The following TIAM1 variants were observed in gnomAD, a reference collection of about 807,000 sequenced individuals.
TIAM1 encodes the protein TIAM Rac1 associated GEF 1, also known as rho guanine nucleotide exchange factor TIAM1.
A neutral mutation model predicts 163.5 loss-of-function variants in TIAM1; 65 were observed. The observed-to-expected ratio is 0.40, with a 90% confidence interval of 0.33 to 0.49. The LOEUF is 0.49. Ranked by LOEUF, TIAM1 falls within the 20% of genes least tolerant of loss-of-function variation. TIAM1 has a pLI of 0.77. For synonymous variants in TIAM1, 833 were observed against 810.1 expected (o/e 1.03, Z -0.48); for missense variants, 1,789 against 2,044.7 (o/e 0.87, Z 2.41).
At chr21:31,447,269 G>A (rs2044660911) in intron 2 of TIAM1, among the ~76,000 whole-genome samples, 1 of 151,920 alleles carries the variant, frequency 6.6e-6, no homozygotes, top group African/African-American at 2.4e-5. Context: ...TAGCAACTGG[G>A]AAAAAAATTT....
chr21:31,171,546 AT>A (rs1236704524), intron 15 of TIAM1, among the ~76,000 whole-genome samples: 6 of 152,126 alleles, frequency 3.9e-5, no homozygotes, highest in Admixed American at 1.3e-4. Flanking sequence ...TAAAGCATAT[AT>A]TTTTTTATCC....
At chr21:31,435,114 G>A (rs2044168396) in intron 2 of TIAM1, among the ~76,000 whole-genome samples, 1 of 152,046 alleles carries the variant, frequency 6.6e-6, no homozygotes, top group Non-Finnish European at 1.5e-5. Context: ...GAACTTCGGG[G>A]CCACTGGCCA....
At chr21:31,319,295 T>C (rs1349425946) in intron 2 of TIAM1, among the ~76,000 whole-genome samples, 1 of 152,166 alleles carries the variant, frequency 6.6e-6, no homozygotes, top group Non-Finnish European at 1.5e-5. Flanking sequence ...GTCCCCGTTT[T>C]CAATTCTTTT....
intron 2 of TIAM1, among the ~76,000 whole-genome samples, chr21:31,322,899 G>A (rs1467277292): frequency 2.0e-5 from 3 of 152,172 alleles, no homozygotes; most frequent in Non-Finnish European, 2.9e-5. Context: ...CAGAACTCCC[G>A]CAGGTGAGAC....
At chr21:31,418,057 T>C (rs2043434830) in intron 2 of TIAM1, among the ~76,000 whole-genome samples, 1 of 152,038 alleles carries the variant, frequency 6.6e-6, no homozygotes, top group African/African-American at 2.4e-5. Context: ...ATCTGACTTT[T>C]AAAAAGGTGC....
In TIAM1 at chr21:31,451,163, G is replaced by A. The variant is rs2044823173; in HGVS notation, c.-369+12820C>T. Among the ~76,000 whole-genome samples, 3 of 151,950 alleles carry A rather than the reference G, an allele frequency of 2.0e-5. No homozygotes were observed. In the South Asian group the frequency reaches 6.2e-4, roughly 32 times the overall value. The stretch of plus-strand genomic sequence containing the variant: ...TGCGTCATCCCGTGGAGCAATATGC[G>A]GCTCCGAGGCCAGCATAAATCAGGC... On this transcript the variant is annotated intron_variant, in intron 2 of 28. Transcript: ENST00000286827.
intron 1 of TIAM1, among the ~76,000 whole-genome samples, chr21:31,340,047 C>G (rs919559334): frequency 2.0e-5 from 3 of 152,130 alleles, no homozygotes; most frequent in Admixed American, 6.6e-5. Context: ...ACACTTGAAG[C>G]TGATTCACTA....
intron 2 of TIAM1, among the ~76,000 whole-genome samples, chr21:31,416,860 A>C (rs1013383580): frequency 4.6e-5 from 7 of 152,244 alleles, no homozygotes; most frequent in Non-Finnish European, 1.0e-4. Context: ...AAAGTGAATC[A>C]AATTAACATC....
chr21:31,248,278 C>T (rs932562193), intron 5 of TIAM1, among the ~76,000 whole-genome samples: 4 of 152,182 alleles, frequency 2.6e-5, no homozygotes, highest in African/African-American at 7.2e-5. Context: ...TCCTAACACA[C>T]GCACCTAGTG....
At position 31,194,268 on chromosome 21, in the gene TIAM1, TA is replaced by T. The variant is rs552591259; in HGVS notation, c.2575+955del. Among the ~76,000 whole-genome samples the T allele has an allele frequency of 4.2e-3, 635 of 152,186 alleles. 3 individuals carry two copies. Among genetic ancestry groups the T allele is most frequent in the Middle Eastern group, 0.024 (7 of 294 alleles). On this transcript the variant is annotated intron_variant, in intron 13 of 27. Coordinates refer to ENST00000541036, the MANE Select transcript of TIAM1 (RefSeq NM_001353694.2). Reference sequence around the variant, plus strand: ...AAGCCGCTTCAGTATAATTTGCTATTAAAAAAATCATAGTTGTGAGTATGAC... The same window carrying T: ...AAGCCGCTTCAGTATAATTTGCTATTAAAAAATCATAGTTGTGAGTATGAC...
intron 15 of TIAM1, among the ~76,000 whole-genome samples, chr21:31,181,823 C>T (rs537017473): frequency 1.2e-3 from 134 of 110,096 alleles, no homozygotes; most frequent in African/African-American, 4.5e-3. Flanking sequence ...AGGCCTCTGT[C>T]TCCCAGGCTG....
intron 2 of TIAM1, among the ~76,000 whole-genome samples, chr21:31,451,740 T>C (rs1380240173): frequency 6.8e-6 from 1 of 147,508 alleles, no homozygotes; most frequent in Non-Finnish European, 1.5e-5. Context: ...TGTGTGTGTG[T>C]GTGTGTGTGT....
intron 2 of TIAM1, among the ~76,000 whole-genome samples, chr21:31,304,720 G>A (rs2074632321): frequency 6.6e-6 from 1 of 152,182 alleles, no homozygotes; most frequent in African/African-American, 2.4e-5. Flanking sequence ...TCACTCTATC[G>A]CCCAGGCTGG....
intron 1 of TIAM1, among the ~76,000 whole-genome samples, chr21:31,533,132 C>T (rs369625282): frequency 2.0e-5 from 3 of 152,062 alleles, no homozygotes; most frequent in African/African-American, 7.2e-5. Context: ...GCCAGCCTGG[C>T]CAACATGGTG....
At chr21:31,202,824 C>A in intron 12 of TIAM1, 84 bp downstream of exon 12, 1 of 1,335,584 alleles carries the variant, frequency 7.5e-7, no homozygotes, top group Non-Finnish European at 1.1e-6. Flanking sequence ...CGTTCCACTC[C>A]ACCAACTACA....
At chr21:31,262,810 T>C (rs1000404340) in intron 4 of TIAM1, among the ~76,000 whole-genome samples, 2 of 152,184 alleles carry the variant, frequency 1.3e-5, no homozygotes, top group Non-Finnish European at 2.9e-5. Flanking sequence ...GGAACTCTTT[T>C]CTGGGGAGTA....
At chr21:31,317,979 A>G (rs2075185061) in intron 2 of TIAM1, among the ~76,000 whole-genome samples, 3 of 152,248 alleles carry the variant, frequency 2.0e-5, no homozygotes, top group Admixed American at 2.0e-4. Flanking sequence ...GCTCAACAGG[A>G]TTTCAAAATG....
chr21:31,226,377 C>G (rs548263839), intron 6 of TIAM1, among the ~76,000 whole-genome samples: 1 of 152,292 alleles, frequency 6.6e-6, no homozygotes, highest in African/African-American at 2.4e-5. Flanking sequence ...CCCTGCCCCT[C>G]GTGAACCACT....
At chr21:31,523,625 G>A (rs1008611111) in intron 1 of TIAM1, among the ~76,000 whole-genome samples, 32 of 152,104 alleles carry the variant, frequency 2.1e-4, no homozygotes, top group African/African-American at 7.2e-4. Context: ...ATAAAGTGGA[G>A]ATAATAGTAC....
Sources: gnomAD v4.1 joint callset for allele counts (sites outside exome capture counted in the v4.1 genomes callset) on GRCh38, gnomAD v4.1.1 for gene constraint, MANE v1.5 for transcripts, NCBI Gene and HGNC (gene_info 2026-07-23, HGNC 2026-07-21) for gene names.